Variants in TMOD4 observed in about 807,000 individuals in gnomAD.
The protein encoded by TMOD4 is tropomodulin-4.
A neutral mutation model predicts 45.4 loss-of-function variants in TMOD4; 34 were observed. The ratio of observed to expected loss-of-function variants is 0.75; its 90% CI spans 0.57 to 1.00. The LOEUF (loss-of-function observed/expected upper bound fraction) is 1.00, where lower values mean the gene tolerates loss of function less well. Ranked by LOEUF, TMOD4 falls within the 50% of genes least tolerant of loss-of-function variation. The pLI is 0.00. For synonymous variants in TMOD4, 131 were observed against 153.9 expected, an observed-to-expected ratio of 0.85 and a Z score of 1.10; for missense variants, 399 against 437.5, an observed-to-expected ratio of 0.91 and a Z score of 0.78.
intron 4 of TMOD4, among the ~76,000 whole-genome samples, chr1:151,172,650 C>T (rs1019306257): frequency 6.6e-6 from 1 of 152,026 alleles, no homozygotes; most frequent in African/African-American, 2.4e-5. Context: ...TTTTTCCCCC[C>T]GAGACGGAGT....
Position 151,170,099 on chromosome 1 carries a change from G to A in TMOD4, c.1020C>T (p.Arg340=), listed in dbSNP as rs1463474691. The change falls in exon 10 of 10, where the codon CGC becomes CGT. Residue 340 remains arginine, a synonymous_variant. Coordinates refer to ENST00000295314, the MANE Select transcript of TMOD4 (RefSeq NM_013353.3). ...QAMTRNNELR[R]QQKKR ...TGCAGTGTTATCTCTTCTTTTGCTG[G>A]CGACCTGTAAAGGAGCAATATTAAA... 1.2e-6 allele frequency: 2 copies of A among 1,614,132 alleles called. No individual in the cohort carries two copies. The highest frequency in any genetic ancestry group is 1.7e-6 in the Non-Finnish European group (2 of 1,180,026).
At chr1:151,172,821 TTTTTG>T (rs760567694) in intron 4 of TMOD4, among the ~76,000 whole-genome samples, 57 of 152,134 alleles carry the variant, frequency 3.7e-4, no homozygotes, top group South Asian at 2.1e-3. Context: ...GTTGTTTTTG[TTTTTG>T]TTTTTTGTTT....
At chr1:151,170,847 C>T in intron 8 of TMOD4, 73 bp downstream of exon 8, 1 of 1,565,090 alleles carries the variant, frequency 6.4e-7, no homozygotes, top group Non-Finnish European at 8.7e-7. Flanking sequence ...AGTAAGATAG[C>T]TGCCCCACTG....
Position 151,170,588 on chromosome 1 carries a change from C to G in TMOD4, c.946G>C (p.Gly316Arg), listed in dbSNP as rs1312616667. The G allele has an allele frequency of 1.2e-6, 2 of 1,614,158 alleles. No individual in the cohort carries two copies. The highest frequency in any genetic ancestry group is 1.1e-5 in the South Asian group (1 of 91,088). Reference sequence around the variant, plus strand: ...GGCCCCTGCTGTGTAAAGTGGTAGCCAAAGCGGACAATAGAGGGACACTGC... The same window carrying G: ...GGCCCCTGCTGTGTAAAGTGGTAGCGAAAGCGGACAATAGAGGGACACTGC... ...LEQCPSIVRF[G>R]YHFTQQGPRA... The change falls in exon 9 of 10, where the codon GGC (glycine) becomes CGC (arginine). Residue 316 changes from glycine (G) to arginine (R), a missense_variant. Coordinates refer to ENST00000295314, the MANE Select transcript of TMOD4 (RefSeq NM_013353.3).
At chr1:151,170,712 T>C (rs200088769) in intron 8 of TMOD4, 49 bp from the exon 9 acceptor site, 1 of 1,607,414 alleles carries the variant, frequency 6.2e-7, no homozygotes, top group African/African-American at 1.3e-5. Flanking sequence ...CTGGGCTGTT[T>C]ACCATCCCAC....
intron 4 of TMOD4, among the ~76,000 whole-genome samples, chr1:151,173,073 G>A (rs1009070062): frequency 1.3e-5 from 2 of 151,974 alleles, no homozygotes; most frequent in African/African-American, 4.8e-5. Flanking sequence ...CACCCGCCTC[G>A]GCCTCCCAAA....
chr1:151,171,179 TA>T (rs1683941818), intron 7 of TMOD4, 116 bp from the exon 8 acceptor site: 1 of 1,203,004 alleles, frequency 8.3e-7, no homozygotes, highest in African/African-American at 1.5e-5. Flanking sequence ...TCAGGTGCTG[TA>T]AATGGAGCTA....
At chr1:151,173,950 T>G (rs1684030638) in intron 3 of TMOD4, among the ~76,000 whole-genome samples, 1 of 151,762 alleles carries the variant, frequency 6.6e-6, no homozygotes, top group Non-Finnish European at 1.5e-5. Context: ...GCACGGTGGC[T>G]CATGCCTGTA....
In TMOD4 at chr1:151,171,680, G is replaced by A. The variant is rs373235083; in HGVS notation, c.571C>T (p.Arg191Ter). The A allele has an allele frequency of 9.9e-6, 16 of 1,613,878 alleles. No homozygotes were observed. Among genetic ancestry groups the A allele is most frequent in the Admixed American group, 5.0e-5 (3 of 59,972 alleles). Residue 191 changes from arginine (R) to a stop codon, truncating the protein, a stop_gained, in exon 6 of 10, where the codon CGA (arginine) becomes TGA (stop). Coordinates refer to ENST00000295314, the MANE Select transcript of TMOD4 (RefSeq NM_013353.3). LOFTEE classifies it high-confidence loss of function. ...TNIEEILKRVRSNDKELEEVN... is the reference protein window; with the variant it reads ...TNIEEILKRV ...TCCTCCAGCTCCTTGTCATTGCTTC[G>A]GACCCTCTTTAGTATCTCCTCAATG...
chr1:151,172,421 A>G, intron 4 of TMOD4, 64 bp from the exon 5 acceptor site: 2 of 1,287,984 alleles, frequency 1.6e-6, no homozygotes, highest in Non-Finnish European at 2.2e-6. Flanking sequence ...CCTCCCTCCT[A>G]CCTATTTCTG....
intron 5 of TMOD4, 106 bp downstream of exon 5, chr1:151,172,162 G>T: frequency 1.1e-6 from 1 of 938,596 alleles, no homozygotes; most frequent in Non-Finnish European, 1.7e-6. Context: ...CACTCATGCA[G>T]CATGTCCTCT....
rs1683928510 is a variant in TMOD4, at chr1:151,170,786, G to C, written c.871-123C>G. The C allele has an allele frequency of 2.0e-6, 3 of 1,513,556 alleles. No individual in the cohort carries two copies. In the East Asian group the frequency reaches 6.9e-5, roughly 35 times the overall value. The allele number at this position is 1,513,556 out of a possible 1,614,324, so 93.8% of individuals were successfully genotyped here. On this transcript the variant is annotated intron_variant, in intron 8 of 9. Coordinates refer to ENST00000295314, the MANE Select transcript of TMOD4 (RefSeq NM_013353.3). Reference sequence around the variant, plus strand: ...TCCACAGTGGGTGAAGAGAGATGCTGACTTGGCTTCCCTCACAGAGACAAT... The same window carrying C: ...TCCACAGTGGGTGAAGAGAGATGCTCACTTGGCTTCCCTCACAGAGACAAT...
intron 4 of TMOD4, 96 bp from the exon 5 acceptor site, chr1:151,172,453 C>T (rs1359346350): frequency 2.0e-6 from 2 of 979,674 alleles, no homozygotes; most frequent in Non-Finnish European, 3.2e-6. Flanking sequence ...TTTGTAAAGC[C>T]TGACCACTTA....
intron 4 of TMOD4, 119 bp from the exon 5 acceptor site, chr1:151,172,476 G>T (rs1346437980): frequency 1.3e-6 from 1 of 755,968 alleles, no homozygotes; most frequent in African/African-American, 1.7e-5. Flanking sequence ...CTTTGCCAAA[G>T]AAGTTTCCCA....
rs587604481 is a variant in TMOD4, at chr1:151,172,637, C to CT, written c.398-281dup. ...TCCTCTTTCAGCCAGAATGGTTCCA[C>CT]TTTTTTTCCCCCCGAGACGGAGTCT... On this transcript the variant is annotated intron_variant, in intron 4 of 9. Transcript: ENST00000295314. Among the ~76,000 whole-genome samples the CT allele has an allele frequency of 3.6e-3, 544 of 152,150 alleles. 5 individuals carry two copies. Among genetic ancestry groups the CT allele is most frequent in the Middle Eastern group, 0.01 (3 of 294 alleles).
chr1:151,171,577 C>G (rs1683956675), intron 6 of TMOD4, 37 bp from the exon 7 acceptor site: 1 of 1,613,996 alleles, frequency 6.2e-7, no homozygotes, highest in Non-Finnish European at 8.5e-7. Context: ...GGCTAAGGGA[C>G]TCTCGGATGT....
chr1:151,170,772 T>A, intron 8 of TMOD4, 109 bp from the exon 9 acceptor site: 2 of 1,523,958 alleles, frequency 1.3e-6, no homozygotes, highest in Non-Finnish European at 1.8e-6. Flanking sequence ...CCACAGTGGG[T>A]GAAGAGAGAT....
Position 151,173,934 on chromosome 1 carries a change from G to A in TMOD4, c.281-319C>T, listed in dbSNP as rs183794333. Among the ~76,000 whole-genome samples, 43 of 151,234 alleles carry A rather than the reference G, an allele frequency of 2.8e-4. 1 individual carries two copies. Among genetic ancestry groups the A allele is most frequent in the Admixed American group, 2.4e-3 (36 of 15,174 alleles). On this transcript the variant is annotated intron_variant, in intron 3 of 9. Coordinates refer to ENST00000295314, the MANE Select transcript of TMOD4 (RefSeq NM_013353.3). The stretch of plus-strand genomic sequence containing the variant: ...TCTACTAAAAATACAAAAAATTAGC[G>A]GCCGGGCACGGTGGCTCATGCCTGT...
chr1:151,171,955 G>A (rs1302916541), intron 5 of TMOD4, among the ~76,000 whole-genome samples, 192 bp from the exon 6 acceptor site: 1 of 151,344 alleles, frequency 6.6e-6, no homozygotes, highest in African/African-American at 2.4e-5. Context: ...TTGTGCCTCT[G>A]CTTCCCAAGT....
Sources: gnomAD v4.1 joint callset for allele counts (sites outside exome capture counted in the v4.1 genomes callset) on GRCh38, gnomAD v4.1.1 for gene constraint, MANE v1.5 for transcripts, NCBI Gene and HGNC (gene_info 2026-07-23, HGNC 2026-07-21) for gene names.